The following CPSF4L variants were observed in gnomAD, a reference collection of about 807,000 sequenced individuals.
CPSF4L encodes cleavage and polyadenylation specific factor 4 like, also known as putative cleavage and polyadenylation specificity factor subunit 4-like protein.
CPSF4L carries 18 observed loss-of-function variants against 24.0 expected under a neutral mutation model. The ratio of observed to expected loss-of-function variants is 0.75; its 90% confidence interval spans 0.52 to 1.11. CPSF4L has a LOEUF of 1.11. CPSF4L is among the 50% of genes least tolerant of loss of function. The pLI is 0.00. For synonymous variants in CPSF4L, 72 were observed against 77.2 expected (o/e 0.93, Z 0.35); for missense variants, 211 against 221.8 (o/e 0.95, Z 0.31).
At chr17:73,246,651 T>A (rs2061954541), downstream of CPSF4L, among the ~76,000 whole-genome samples, 1 of 152,240 alleles carries the variant, frequency 6.6e-6, no homozygotes, top group Non-Finnish European at 1.5e-5. Flanking sequence ...ACCTTTTCTA[T>A]TCCCAATCCC....
intron 5 of CPSF4L, among the ~76,000 whole-genome samples, chr17:73,252,149 C>T (rs746398542): frequency 6.6e-6 from 1 of 152,216 alleles, no homozygotes; most frequent in Non-Finnish European, 1.5e-5. Context: ...CCTGCCTGCA[C>T]TCACCTTCAT....
chr17:73,248,283 C>G, downstream of CPSF4L: 1 of 551,574 alleles, frequency 1.8e-6, no homozygotes, highest in Non-Finnish European at 3.2e-6. Context: ...CTGCTACCCA[C>G]AGAAGCCAGT....
At chr17:73,245,218 TG>T (rs2145253214), downstream of CPSF4L, 1 of 1,613,210 alleles carries the variant, frequency 6.2e-7, no homozygotes, top group East Asian at 2.2e-5. Context: ...CTTAAAGCTC[TG>T]GAACAGCAAA....
chr17:73,260,286 C>A (rs941953114), intron 2 of CPSF4L, among the ~76,000 whole-genome samples: 4 of 152,126 alleles, frequency 2.6e-5, no homozygotes, highest in Non-Finnish European at 5.9e-5. Flanking sequence ...AATGCACAGG[C>A]CAAAGCTCAG....
chr17:73,253,098 C>A (rs1278142480), intron 4 of CPSF4L, among the ~76,000 whole-genome samples: 3 of 152,230 alleles, frequency 2.0e-5, no homozygotes, highest in African/African-American at 7.2e-5. Flanking sequence ...GGGTGGCTCA[C>A]ACCTGTAATC....
chr17:73,242,226 T>G, the CPSF4L span: 2 of 1,521,630 alleles, frequency 1.3e-6, no homozygotes, highest in Admixed American at 1.9e-5. Context: ...TGACAGTGAC[T>G]TCTGTTTGGA....
At chr17:73,244,163 T>C (rs2061902104), downstream of CPSF4L, among the ~76,000 whole-genome samples, 1 of 152,260 alleles carries the variant, frequency 6.6e-6, no homozygotes, top group African/African-American at 2.4e-5. Context: ...TCATTTCTTA[T>C]TGTATTATTA....
At chr17:73,243,964 C>G (rs2061898801), downstream of CPSF4L, among the ~76,000 whole-genome samples, 1 of 152,138 alleles carries the variant, frequency 6.6e-6, no homozygotes, top group East Asian at 1.9e-4. Context: ...CTTTACACCA[C>G]AAAAGAGAGA....
rs966399139 is a variant in CPSF4L at position 73,261,443 on chromosome 17, C to T, written c.103+273G>A. On this transcript the variant is annotated intron_variant, in intron 1 of 5. Transcript: ENST00000344935. The stretch of plus-strand genomic sequence containing the variant: ...TTGGGAGGCCAAGGCGGGCGGATCA[C>T]GAGGTCAGGAGATTGAGACCATCCT... 1.3e-4 allele frequency among the ~76,000 whole-genome samples: 20 copies of T among 152,258 alleles called. No homozygotes were observed. The South Asian group carries it at 1.7e-3, about 13-fold the overall frequency.
chr17:73,257,816 G>C lies in CPSF4L; in HGVS notation c.172C>G (p.Arg58Gly), dbSNP rs201285689. 1.3e-6 allele frequency: 2 copies of C among 1,551,328 alleles called. No individual in the cohort carries two copies. Among genetic ancestry groups the C allele is most frequent in the African/African-American group, 2.7e-5 (2 of 72,966 alleles). ...ACCATCTTCTCCCCTCGGTCATGTC[G>C]GAAGGGGCAGAGTTTCCCTGGAGAT... ...LCEKGKLCPF[R>G]HDRGEKMVVC... The change falls in exon 3 of 6, where the codon CGA becomes GGA. Residue 58 changes from arginine (R) to glycine (G), a missense_variant. Arg to Gly is a moderately radical substitution (Grantham distance 125). Coordinates refer to ENST00000344935, the MANE Select transcript of CPSF4L (RefSeq NM_001129885.1).
chr17:73,251,104 A>G, intron 5 of CPSF4L: 2 of 1,542,696 alleles, frequency 1.3e-6, no homozygotes, highest in South Asian at 1.2e-5. Context: ...CTGGCAAGCT[A>G]CAGCTGAAGT....
intron 5 of CPSF4L, chr17:73,250,955 G>C (rs548346571): frequency 3.3e-6 from 5 of 1,509,592 alleles, no homozygotes; most frequent in Non-Finnish European, 4.4e-6. Flanking sequence ...GCCCAGCCCT[G>C]TGGGTTCCTT....
downstream of CPSF4L, among the ~76,000 whole-genome samples, chr17:73,244,181 C>G (rs1343890460): frequency 6.6e-6 from 1 of 152,146 alleles, no homozygotes; most frequent in Non-Finnish European, 1.5e-5. Flanking sequence ...TTAAAAAAAT[C>G]CTTCTAGTTA....
At chr17:73,255,421 C>T (rs564437612) in intron 3 of CPSF4L, among the ~76,000 whole-genome samples, 4 of 150,954 alleles carry the variant, frequency 2.6e-5, no homozygotes, top group East Asian at 2.0e-4. Flanking sequence ...GTGGGAGAAT[C>T]GCTTGAACCT....
In CPSF4L at chr17:73,250,183, TGGGAAACAGAATCCCATA is replaced by T. The variant is rs1038742092; in HGVS notation, c.498-1665_498-1648del. The T allele has an allele frequency of 1.7e-5, 25 of 1,506,220 alleles. No homozygotes were observed. In the African/African-American group the frequency reaches 2.4e-4, roughly 14 times the overall value. 93.3% of individuals were successfully genotyped at this position (1,506,220 alleles called of 1,614,324 possible). ...ATGACAGCAGGCTTACTGTGGAACT[TGGGAAACAGAATCCCATA>T]GTAAGACCATTGAGCATCTTCTCCT... is the stretch of plus-strand genomic sequence containing the variant. On this transcript the variant is annotated intron_variant, in intron 5 of 5. Transcript: ENST00000344935.
chr17:73,245,391 C>A, downstream of CPSF4L: 1 of 1,243,544 alleles, frequency 8.0e-7, no homozygotes, highest in Non-Finnish European at 1.0e-6. Context: ...AGATCTGGTT[C>A]TGTCTGGATG....
downstream of CPSF4L, chr17:73,244,807 A>G (rs575662550): frequency 2.1e-4 from 38 of 179,538 alleles, no homozygotes; most frequent in African/African-American, 9.0e-4. Flanking sequence ...AGGCGGCAGC[A>G]CTCCTGCATG....
chr17:73,255,834 C>T (rs1370282434), intron 3 of CPSF4L, among the ~76,000 whole-genome samples: 1 of 152,150 alleles, frequency 6.6e-6, no homozygotes, highest in Non-Finnish European at 1.5e-5. Context: ...GCTGCGTGCA[C>T]GTCTCTGCAT....
intron 2 of CPSF4L, among the ~76,000 whole-genome samples, chr17:73,258,770 C>T (rs2062033448): frequency 2.0e-5 from 3 of 152,180 alleles, no homozygotes. Context: ...TGCCAGGGAG[C>T]GGGGCCAGGC....
Sources: allele counts gnomAD v4.1 joint callset (sites outside exome capture counted in the v4.1 genomes callset), GRCh38; gene constraint gnomAD v4.1.1; transcripts MANE v1.5; gene names NCBI Gene and HGNC (gene_info 2026-07-23, HGNC 2026-07-21).